The following PAIP2 variants were observed in gnomAD, a reference collection of about 807,000 sequenced individuals.
The protein encoded by PAIP2 is polyadenylate-binding protein-interacting protein 2.
PAIP2 carries 7 observed loss-of-function variants against 14.8 expected under a neutral mutation model. That is an observed-to-expected ratio of 0.47 (90% CI 0.27 to 0.89). The LOEUF is 0.89. PAIP2 is among the 40% of genes least tolerant of loss of function. The probability of loss-of-function intolerance (pLI) is 0.13; values close to 1 mark genes in which losing one functional copy is unlikely to be tolerated. For missense variants in PAIP2, 122 were observed against 154.7 expected (o/e 0.79, Z 1.12); for synonymous variants, 47 against 45.3 (o/e 1.04, Z -0.15).
In PAIP2 at chr5:139,363,903, A is replaced by G. The variant is rs1757144889; in HGVS notation, c.119A>G (p.Glu40Gly). Residue 40 changes from glutamate to glycine, a missense_variant, in exon 2 of 4, where the codon GAA (glutamate) becomes GGA (glycine). Glu to Gly is a moderately conservative substitution (Grantham distance 98). This residue lies in a region of PAIP2 where 34 missense variants were observed against 74.0 expected (regional missense o/e 0.46). Coordinates refer to ENST00000265192, the MANE Select transcript of PAIP2 (RefSeq NM_016480.5). The part of the protein sequence containing the change: ...PFAEYMWMEN[E>G]EEFNRQIEEE... ...GCAGAGTACATGTGGATGGAAAATG[A>G]AGAAGAATTCAACAGACAAGTTAGT... The G allele has an allele frequency of 6.2e-7, 1 of 1,613,672 alleles. No individual in the cohort carries two copies. Among genetic ancestry groups the G allele is most frequent in the African/African-American group, 1.3e-5 (1 of 74,928 alleles).
chr5:139,356,305 G>C (rs757756013), intron 1 of PAIP2, among the ~76,000 whole-genome samples: 12 of 149,592 alleles, frequency 8.0e-5, no homozygotes, highest in Admixed American at 8.0e-4. Context: ...AATTAGCCAG[G>C]CCTGGTGGCA....
At chr5:139,345,651 G>A (rs918615386) in intron 1 of PAIP2, among the ~76,000 whole-genome samples, 33 of 145,752 alleles carry the variant, frequency 2.3e-4, no homozygotes, top group South Asian at 8.6e-4. Context: ...TTTTTGAAAC[G>A]GAGTCTTGCT....
chr5:139,346,209 C>T (rs1756541451), intron 1 of PAIP2, among the ~76,000 whole-genome samples: 1 of 152,126 alleles, frequency 6.6e-6, no homozygotes, highest in Non-Finnish European at 1.5e-5. Flanking sequence ...TTTGTTAAAA[C>T]ATCTTAAGCT....
intron 1 of PAIP2, among the ~76,000 whole-genome samples, chr5:139,349,146 T>G (rs1407186149): frequency 6.6e-6 from 1 of 152,180 alleles, no homozygotes; most frequent in Non-Finnish European, 1.5e-5. Flanking sequence ...AGTAAAATAA[T>G]TTTAAAGGGC....
chr5:139,346,938 T>C (rs1273253712), intron 1 of PAIP2, among the ~76,000 whole-genome samples: 1 of 152,192 alleles, frequency 6.6e-6, no homozygotes, highest in Non-Finnish European at 1.5e-5. Flanking sequence ...GGCTCCCGAG[T>C]AGCTGGGACT....
intron 1 of PAIP2, among the ~76,000 whole-genome samples, chr5:139,359,014 G>A (rs1234123232): frequency 6.6e-6 from 1 of 152,106 alleles, no homozygotes; most frequent in Non-Finnish European, 1.5e-5. Flanking sequence ...TTGCTCTGTT[G>A]CCCAGGCTGG....
chr5:139,352,654 A>G (rs1256469245), intron 1 of PAIP2, among the ~76,000 whole-genome samples: 3 of 150,588 alleles, frequency 2.0e-5, no homozygotes, highest in Non-Finnish European at 4.4e-5. Context: ...TGTTTTTAGT[A>G]GAGACAGGGT....
At chr5:139,356,482 G>A (rs1219931696) in intron 1 of PAIP2, among the ~76,000 whole-genome samples, 2 of 152,052 alleles carry the variant, frequency 1.3e-5, no homozygotes, top group Non-Finnish European at 2.9e-5. Flanking sequence ...TTTGTCCAAT[G>A]TAATATCTGG....
At chr5:139,368,032 C>G (rs1196908440) in intron 3 of PAIP2, among the ~76,000 whole-genome samples, 1 of 151,814 alleles carries the variant, frequency 6.6e-6, no homozygotes, top group Non-Finnish European at 1.5e-5. Context: ...AACCCCTTCT[C>G]TACTAAAAAT....
intron 1 of PAIP2, among the ~76,000 whole-genome samples, chr5:139,360,424 CAT>C (rs1757035555): frequency 6.6e-6 from 1 of 152,164 alleles, no homozygotes; most frequent in South Asian, 2.1e-4. Context: ...ATCATATTAT[CAT>C]ATTTTCTTTC....
At chr5:139,345,150 ATTC>A (rs1301343032) in intron 1 of PAIP2, among the ~76,000 whole-genome samples, 2 of 152,038 alleles carry the variant, frequency 1.3e-5, no homozygotes, top group Non-Finnish European at 2.9e-5. Flanking sequence ...GGTTCATGCC[ATTC>A]TTCTGCCTCA....
chr5:139,343,747 T>G (rs1641358781), intron 1 of PAIP2, among the ~76,000 whole-genome samples: 1 of 146,680 alleles, frequency 6.8e-6, no homozygotes, highest in Non-Finnish European at 1.5e-5. Context: ...AGTCTCACTC[T>G]GTCGCCAGGC....
Position 139,368,787 on chromosome 5 carries a change from G to C in PAIP2, c.373G>C (p.Gly125Arg). ...AKEFVPGVKY[G>R]NI ...GGAGTTTGTTCCTGGGGTGAAGTAC[G>C]GAAATATTTGAGTAGACGGGGCCCT... is the stretch of plus-strand genomic sequence containing the variant. Residue 125 changes from glycine (G) to arginine (R), a missense_variant, in exon 4 of 4, where the codon GGA (glycine) becomes CGA (arginine). This residue lies in a region of PAIP2 where 46 missense variants were observed against 44.0 expected (regional missense o/e 1.05). Transcript: ENST00000265192. The C allele has an allele frequency of 6.2e-7, 1 of 1,611,740 alleles. No individual in the cohort carries two copies. The highest frequency in any genetic ancestry group is 8.5e-7 in the Non-Finnish European group (1 of 1,177,958).
chr5:139,359,120 G>A lies in PAIP2; in HGVS notation c.-26-4639G>A, dbSNP rs184544642. Among the ~76,000 whole-genome samples the A allele has an allele frequency of 8.9e-4, 135 of 152,008 alleles. 2 individuals are homozygous for A. Among genetic ancestry groups the A allele is most frequent in the African/African-American group, 3.1e-3 (129 of 41,456 alleles). On this transcript the variant is annotated intron_variant, in intron 1 of 3. Transcript: ENST00000265192. ...CTCCTGAGTATCTGGGACCACAGGCGTGCACCACCACACCCAGCTAAGTTA... is the reference window on the plus strand; with the variant it reads ...CTCCTGAGTATCTGGGACCACAGGCATGCACCACCACACCCAGCTAAGTTA...
At chr5:139,362,707 G>T (rs1043511866) in intron 1 of PAIP2, among the ~76,000 whole-genome samples, 4 of 151,750 alleles carry the variant, frequency 2.6e-5, no homozygotes, top group African/African-American at 9.7e-5. Flanking sequence ...ACCGCGCCTG[G>T]CCTTTTTTGT....
chr5:139,350,726 G>GA (rs918001022), intron 1 of PAIP2, among the ~76,000 whole-genome samples: 29 of 151,774 alleles, frequency 1.9e-4, no homozygotes, highest in African/African-American at 6.8e-4. Context: ...AAAAAAAGAA[G>GA]AAAAAAATAG....
intron 1 of PAIP2, among the ~76,000 whole-genome samples, chr5:139,358,374 A>G (rs1756979039): frequency 6.6e-6 from 1 of 152,226 alleles, no homozygotes; most frequent in Admixed American, 6.5e-5. Context: ...ATACCACATT[A>G]GCAGTGCTTA....
intron 1 of PAIP2, among the ~76,000 whole-genome samples, chr5:139,351,720 A>G (rs926533272): frequency 6.6e-6 from 1 of 151,794 alleles, no homozygotes; most frequent in Non-Finnish European, 1.5e-5. Context: ...GTCTTGCTGT[A>G]TCACCCAGGC....
chr5:139,351,175 A>G (rs1181913059), intron 1 of PAIP2, among the ~76,000 whole-genome samples: 1 of 152,186 alleles, frequency 6.6e-6, no homozygotes, highest in African/African-American at 2.4e-5. Context: ...ATGCACCCAA[A>G]CAGTATAATA....
Sources: gnomAD v4.1 joint callset for allele counts (sites outside exome capture counted in the v4.1 genomes callset) on GRCh38, gnomAD v4.1.1 for gene constraint, gnomAD v4.1.1 regional missense constraint, MANE v1.5 for transcripts, NCBI Gene and HGNC (gene_info 2026-07-23, HGNC 2026-07-21) for gene names.